The following ABCC5 variants were observed in gnomAD, a reference collection of about 807,000 sequenced individuals.
ABCC5 encodes ATP binding cassette subfamily C member 5.
ABCC5 carries 61 observed loss-of-function variants against 160.9 expected under a neutral mutation model. The observed-to-expected ratio is 0.38, with a 90% confidence interval of 0.31 to 0.47. ABCC5 has a LOEUF of 0.47. Ranked by LOEUF, ABCC5 falls within the 20% of genes least tolerant of loss-of-function variation. The pLI is 0.99. For missense variants in ABCC5, 1,308 were observed against 1,813.3 expected (o/e 0.72, Z 5.06); for synonymous variants, 666 against 700.6 (o/e 0.95, Z 0.78).
Position 183,978,494 on chromosome 3 carries a change from T to C in ABCC5, c.1296+9A>G, listed in dbSNP as rs2108847419. ...CTAAAATGTTCCCCATCCCTGAGGGTTCCCTGACCTGTGCTGCTGTCAGAT... is the reference window on the plus strand; with the variant it reads ...CTAAAATGTTCCCCATCCCTGAGGGCTCCCTGACCTGTGCTGCTGTCAGAT... On this transcript the variant is annotated intron_variant, in intron 9 of 29. Coordinates refer to ENST00000334444, the MANE Select transcript of ABCC5 (RefSeq NM_005688.4). 1 of 1,603,910 alleles carries C rather than the reference T, an allele frequency of 6.2e-7. No individual in the cohort carries two copies. Among genetic ancestry groups the C allele is most frequent in the Non-Finnish European group, 8.5e-7 (1 of 1,176,654 alleles).
chr3:183,923,722 A>G (rs1055735723), intron 29 of ABCC5, among the ~76,000 whole-genome samples: 1 of 152,218 alleles, frequency 6.6e-6, no homozygotes, highest in Non-Finnish European at 1.5e-5. Flanking sequence ...TAGTAGCTCA[A>G]CGTATCTTAT....
chr3:183,956,895 T>C (rs1335542737), intron 17 of ABCC5, among the ~76,000 whole-genome samples: 5 of 102,128 alleles, frequency 4.9e-5, no homozygotes, highest in Admixed American at 3.0e-4. Flanking sequence ...TCCGTGTGTA[T>C]ATCATATAGG....
Position 183,953,492 on chromosome 3 carries a change from C to T in ABCC5, c.2483-222G>A, listed in dbSNP as rs535551526. On this transcript the variant is annotated intron_variant, in intron 17 of 29. Coordinates refer to ENST00000334444, the MANE Select transcript of ABCC5 (RefSeq NM_005688.4). ...CCAGGAGCAGCAAAGAGGATGAAGA[C>T]CAGGTCCCCACCCCTAGGGACCTGG... Among the ~76,000 whole-genome samples the T allele has an allele frequency of 2.0e-5, 3 of 152,250 alleles. No homozygotes were observed. The South Asian group carries it at 6.2e-4, about 32-fold the overall frequency.
At chr3:184,010,311 A>T (rs1285351564) in intron 2 of ABCC5, 1 of 152,024 alleles carries the variant, frequency 6.6e-6, no homozygotes, top group Non-Finnish European at 1.5e-5. Context: ...ATGAAAGAAT[A>T]ATAAAAATAA....
intron 29 of ABCC5, among the ~76,000 whole-genome samples, chr3:183,922,035 TAATAAATAAATAAATAAATAAATA>T (rs146063907): frequency 2.1e-5 from 3 of 146,114 alleles, no homozygotes; most frequent in Admixed American, 6.9e-5. Context: ...TGCCTCAAAA[TAATAAATAAATAAATAAATAAATA>T]AATAAATAAA....
chr3:184,001,957 G>A (rs528356274), intron 2 of ABCC5, among the ~76,000 whole-genome samples: 3 of 152,266 alleles, frequency 2.0e-5, no homozygotes, highest in Admixed American at 2.0e-4. Flanking sequence ...GCAGATCCAG[G>A]AGCTGAGAAA....
At chr3:183,927,874 C>T (rs3805112) in intron 27 of ABCC5, 440,229 of 941,244 alleles carry the variant, frequency 0.47, 104,867 homozygotes, top group East Asian at 0.5. Context: ...AGAAGAATCC[C>T]GATAGAGCAG....
intron 25 of ABCC5, among the ~76,000 whole-genome samples, chr3:183,938,473 A>G (rs992763471): frequency 1.3e-5 from 2 of 151,914 alleles, no homozygotes; most frequent in Non-Finnish European, 2.9e-5. Context: ...TAATTTTTGT[A>G]TTTTTAGTAG....
In ABCC5 at chr3:183,950,187, A is replaced by G. The variant is rs531309721; in HGVS notation, c.2945-62T>C. ...TTGGAAAAATGGAACTGAAAATTGA[A>G]AAAAACAAAAAGGGGTTCCACAAAC... On this transcript the variant is annotated intron_variant, in intron 20 of 29. Coordinates refer to ENST00000334444, the MANE Select transcript of ABCC5 (RefSeq NM_005688.4). The G allele has an allele frequency of 7.4e-5, 113 of 1,530,358 alleles. 1 individual carries two copies. The South Asian group carries it at 1.3e-3, about 18-fold the overall frequency. The allele number at this position is 1,530,358 out of a possible 1,614,324, so 94.8% of individuals were successfully genotyped here. A position where few individuals can be genotyped will look rare whatever the true frequency, so the allele number is the denominator to read the frequency against.
At chr3:183,944,639 T>G (rs1334927280) in intron 24 of ABCC5, among the ~76,000 whole-genome samples, 1 of 152,248 alleles carries the variant, frequency 6.6e-6, no homozygotes, top group Non-Finnish European at 1.5e-5. Flanking sequence ...TTGTCCAATC[T>G]GTGGCCCTTG....
intron 2 of ABCC5, among the ~76,000 whole-genome samples, chr3:184,005,234 G>A (rs977542686): frequency 6.6e-6 from 1 of 152,064 alleles, no homozygotes; most frequent in Non-Finnish European, 1.5e-5. Context: ...TGGGCAAGAC[G>A]GCCTTTGAGG....
In ABCC5 at chr3:183,965,505, G is replaced by C. The variant is rs1717135449; in HGVS notation, c.1834-4C>G. On this transcript the variant is annotated splice_polypyrimidine_tract_variant and splice_region_variant and intron_variant, in intron 12 of 29. Coordinates refer to ENST00000334444, the MANE Select transcript of ABCC5 (RefSeq NM_005688.4). ...TGCTGCCCTCTAGAAGCGTCATCTA[G>C]GGAGAGAGACACCATCCAATGGCAT... 1 of 1,613,526 alleles carries C rather than the reference G, an allele frequency of 6.2e-7. No individual in the cohort carries two copies. Among genetic ancestry groups the C allele is most frequent in the Non-Finnish European group, 8.5e-7 (1 of 1,180,002 alleles).
At chr3:183,978,752 T>TG in intron 8 of ABCC5, 101 bp from the exon 9 acceptor site, 1 of 1,312,696 alleles carries the variant, frequency 7.6e-7, no homozygotes, top group Non-Finnish European at 1.0e-6. Flanking sequence ...CCAGCCACCC[T>TG]TCAACACCTA....
At chr3:183,938,328 T>C (rs964564372) in intron 25 of ABCC5, among the ~76,000 whole-genome samples, 2 of 151,888 alleles carry the variant, frequency 1.3e-5, no homozygotes, top group African/African-American at 4.8e-5. Context: ...AGACGGAGTC[T>C]CACTCTGCTG....
chr3:184,008,534 C>T (rs962275536), intron 2 of ABCC5, among the ~76,000 whole-genome samples: 3 of 152,220 alleles, frequency 2.0e-5, no homozygotes, highest in Admixed American at 6.5e-5. Context: ...GCCTGCTAAG[C>T]CTCAAATTGT....
chr3:183,981,123 T>C (rs576757957), intron 8 of ABCC5, among the ~76,000 whole-genome samples: 1 of 152,328 alleles, frequency 6.6e-6, no homozygotes, highest in Admixed American at 6.5e-5. Context: ...TTTATTTAAA[T>C]TAAGTATCTA....
intron 28 of ABCC5, among the ~76,000 whole-genome samples, chr3:183,926,515 A>G (rs1258052584): frequency 2.6e-5 from 4 of 151,912 alleles, no homozygotes; most frequent in East Asian, 3.9e-4. Flanking sequence ...ACACCACTGC[A>G]CTCCAGCCTG....
At chr3:183,952,996 C>T (rs906113662) in intron 18 of ABCC5, 90 bp downstream of exon 18, 3 of 1,374,378 alleles carry the variant, frequency 2.2e-6, no homozygotes, top group African/African-American at 1.5e-5. Context: ...TAAGTGAAAA[C>T]TAGAACAGTT....
At position 183,925,744 on chromosome 3, in the gene ABCC5, A is replaced by G. The variant is rs760494496; in HGVS notation, c.4048-25T>C. ...TCTGCCAGAGAAGCAGAGGAGAAAG[A>G]AACTCGATTAAATTCCTTTAGCATT... On this transcript the variant is annotated intron_variant, in intron 28 of 29. Transcript: ENST00000334444. The G allele has an allele frequency of 5.0e-6, 8 of 1,604,596 alleles. No homozygotes were observed. In the East Asian group the frequency reaches 1.8e-4, roughly 36 times the overall value.
Sources: gnomAD v4.1 joint callset for allele counts (sites outside exome capture counted in the v4.1 genomes callset) on GRCh38, gnomAD v4.1.1 for gene constraint, MANE v1.5 for transcripts, NCBI Gene and HGNC (gene_info 2026-07-23, HGNC 2026-07-21) for gene names.